The following ADH7 variants were observed in gnomAD, a reference collection of about 807,000 sequenced individuals.
The protein encoded by ADH7 is alcohol dehydrogenase 7 (class IV), mu or sigma polypeptide.
ADH7 carries 41 observed loss-of-function variants against 34.4 expected under a neutral mutation model. The ratio of observed to expected loss-of-function variants is 1.19; its 90% CI spans 0.93 to 1.55. ADH7 has a LOEUF of 1.55. Ranked by LOEUF, ADH7 falls within the 40% of genes most tolerant of loss-of-function variation. ADH7 has a pLI of 0.00. For synonymous variants in ADH7, 180 were observed against 160.9 expected (o/e 1.12, Z -0.90); for missense variants, 540 against 461.2 (o/e 1.17, Z -1.56).
intron 1 of ADH7, among the ~76,000 whole-genome samples, chr4:99,431,277 A>C (rs1004262517): frequency 1.3e-5 from 2 of 152,234 alleles, no homozygotes; most frequent in African/African-American, 4.8e-5. Context: ...AGCCATATGC[A>C]GAAGATTGAA....
chr4:99,434,556 T>C (rs897889164), intron 1 of ADH7, among the ~76,000 whole-genome samples: 8 of 152,104 alleles, frequency 5.3e-5, no homozygotes, highest in African/African-American at 1.9e-4. Flanking sequence ...TAAGGAAATA[T>C]ACTGACCTAT....
chr4:99,433,475 C>T (rs1721983468), intron 1 of ADH7, among the ~76,000 whole-genome samples: 1 of 152,056 alleles, frequency 6.6e-6, no homozygotes, highest in Non-Finnish European at 1.5e-5. Context: ...ATTTTCTGAC[C>T]TTCCAAATTT....
chr4:99,412,375 C>G lies in ADH7; in HGVS notation c.*773G>C, dbSNP rs1054707276. 6.6e-6 allele frequency: 1 copy of G among 151,966 alleles called. No homozygotes were observed. Among genetic ancestry groups the G allele is most frequent in the African/African-American group, 2.4e-5 (1 of 41,392 alleles). 9.4% of individuals were successfully genotyped at this position (151,966 alleles called of 1,614,324 possible). A position where few individuals can be genotyped will look rare whatever the true frequency, so the allele number is the denominator to read the frequency against. ...CACTTTTTATTAAATGGAGTCACTA[C>G]TAAGCACAGTGAATAGGGACTTAGG... On this transcript the variant is annotated 3_prime_UTR_variant, in exon 9 of 9. Transcript: ENST00000437033.
At chr4:99,414,509 AT>A (rs750203224) in intron 8 of ADH7, among the ~76,000 whole-genome samples, 23 of 152,130 alleles carry the variant, frequency 1.5e-4, no homozygotes, top group Non-Finnish European at 2.8e-4. Context: ...TGTAGATAAA[AT>A]TTGCATGAAT....
intron 6 of ADH7, among the ~76,000 whole-genome samples, chr4:99,420,141 C>A (rs1721614097): frequency 6.6e-6 from 1 of 152,206 alleles, no homozygotes; most frequent in African/African-American, 2.4e-5. Context: ...TAGACCACAA[C>A]ATTTGGAATA....
At position 99,427,894 on chromosome 4, in the gene ADH7, T is replaced by G. The variant is rs1162713196; in HGVS notation, c.443A>C (p.Glu148Ala). The G allele has an allele frequency of 1.9e-6, 3 of 1,614,014 alleles. No homozygotes were observed. Among genetic ancestry groups the G allele is most frequent in the Non-Finnish European group, 2.5e-6 (3 of 1,179,938 alleles). ...AGAAGATTCATCCACCACTGTGTACTCGGTAAATGTACTGGTGTTCATGAA... is the reference window on the plus strand; with the variant it reads ...AGAAGATTCATCCACCACTGTGTACGCGGTAAATGTACTGGTGTTCATGAA... ...HHFMNTSTFTEYTVVDESSVA... is the reference protein window; with the variant it reads ...HHFMNTSTFTAYTVVDESSVA... Residue 148 changes from glutamate (E) to alanine (A), a missense_variant, in exon 5 of 9, where the codon GAG becomes GCG. Physicochemically the swap from Glu to Ala is moderately radical, Grantham distance 107. Transcript: ENST00000437033.
intron 1 of ADH7, among the ~76,000 whole-genome samples, chr4:99,430,005 T>C (rs181212200): frequency 6.6e-6 from 1 of 152,364 alleles, no homozygotes; most frequent in East Asian, 1.9e-4. Context: ...AAATTGTCCT[T>C]TGTGTATCGC....
At position 99,427,834 on chromosome 4, in the gene ADH7, T is replaced by G. The variant is rs372338606; in HGVS notation, c.503A>C (p.Lys168Thr). ...AAACCCACAGCCAATTAAACAGACT[T>G]TCTCAGGAGGAGCTGCATCATCAAT... ...AKIDDAAPPE[K>T]VCLIGCGFST... Residue 168 changes from lysine (K) to threonine (T), a missense_variant, in exon 5 of 9, where the codon AAA (lysine) becomes ACA (threonine). Coordinates refer to ENST00000437033, the MANE Select transcript of ADH7 (RefSeq NM_000673.7). The G allele has an allele frequency of 6.2e-7, 1 of 1,610,646 alleles. No individual in the cohort carries two copies. The highest frequency in any genetic ancestry group is 1.3e-5 in the African/African-American group (1 of 74,866).
chr4:99,432,397 G>A (rs1721955776), intron 1 of ADH7, among the ~76,000 whole-genome samples: 1 of 151,978 alleles, frequency 6.6e-6, no homozygotes. Context: ...AAAATAATTT[G>A]TACACCAAAC....
chr4:99,435,191 G>A (rs1211914622), intron 1 of ADH7, 25 bp downstream of exon 1: 4 of 1,610,622 alleles, frequency 2.5e-6, no homozygotes, highest in Admixed American at 1.7e-5. Flanking sequence ...TCATGATGAG[G>A]AGGGGACAGA....
At chr4:99,429,677 T>C in intron 1 of ADH7, 44 bp from the exon 2 acceptor site, 1 of 1,373,890 alleles carries the variant, frequency 7.3e-7, no homozygotes, top group Non-Finnish European at 1.0e-6. Context: ...ATTATGCCTT[T>C]AACTTACAGA....
At chr4:99,413,927 C>T (rs1165523628) in intron 8 of ADH7, among the ~76,000 whole-genome samples, 1 of 152,020 alleles carries the variant, frequency 6.6e-6, no homozygotes, top group Non-Finnish European at 1.5e-5. Context: ...AAGAGGAACG[C>T]ATAATATAAT....
Position 99,428,522 on chromosome 4 carries a change from T to A in ADH7, c.229A>T (p.Ile77Phe). ...TTCACTGTAGTCACTCCTTCTCCAA[T>A]GCTCTCTACAATCCCAGTTGCCTCA... Reference protein sequence around the residue: ...GHEATGIVESIGEGVTTVKPG... With the variant: ...GHEATGIVESFGEGVTTVKPG... The change falls in exon 3 of 9, where the codon ATT becomes TTT. Residue 77 changes from isoleucine to phenylalanine, a missense_variant. Coordinates refer to ENST00000437033, the MANE Select transcript of ADH7 (RefSeq NM_000673.7). 1 of 1,613,764 alleles carries A rather than the reference T, an allele frequency of 6.2e-7. No individual in the cohort carries two copies. Among genetic ancestry groups the A allele is most frequent in the East Asian group, 2.2e-5 (1 of 44,870 alleles).
chr4:99,415,437 G>C, intron 8 of ADH7, 41 bp downstream of exon 8: 2 of 1,588,138 alleles, frequency 1.3e-6, no homozygotes, highest in Non-Finnish European at 8.6e-7. Context: ...TTTAAAAGTA[G>C]CCTGTGGAGA....
At chr4:99,420,894 A>T (rs939437339) in intron 5 of ADH7, 101 bp from the exon 6 acceptor site, 2 of 1,040,756 alleles carry the variant, frequency 1.9e-6, no homozygotes, top group Non-Finnish European at 1.4e-6. Flanking sequence ...GTGAACTCCC[A>T]TTCACAATTG....
At chr4:99,419,168 G>A in intron 6 of ADH7, 47 bp from the exon 7 acceptor site, 1 of 1,590,810 alleles carries the variant, frequency 6.3e-7, no homozygotes, top group Non-Finnish European at 8.6e-7. Flanking sequence ...GTCTCTTACA[G>A]TGTGACATAA....
intron 1 of ADH7, chr4:99,434,984 C>A (rs973376804): frequency 7.1e-7 from 1 of 1,409,694 alleles, no homozygotes; most frequent in Admixed American, 2.0e-5. Context: ...CTCTATTTTC[C>A]ACCAATGTCT....
intron 1 of ADH7, among the ~76,000 whole-genome samples, chr4:99,433,153 T>TCGAAGAAATATTAATTTTAGAAA (rs1293364119): frequency 6.6e-6 from 1 of 152,150 alleles, no homozygotes; most frequent in Non-Finnish European, 1.5e-5. Flanking sequence ...AAAGGCTACC[T>TCGAAGAAATATTAATTTTAGAAA]CGAAGAAATA....
rs371053791 is a variant in ADH7, at chr4:99,423,537, T to C, written c.565-2744A>G. On this transcript the variant is annotated intron_variant, in intron 5 of 8. Coordinates refer to ENST00000437033, the MANE Select transcript of ADH7 (RefSeq NM_000673.7). ...TATTTCTCCACATCCTCTCCAGCAC[T>C]TGTTGTTTCCTGACTTTTTAATGAT... is the stretch of plus-strand genomic sequence containing the variant. Among the ~76,000 whole-genome samples the C allele has an allele frequency of 6.7e-3, 1,012 of 151,454 alleles. 5 individuals are homozygous for C. The highest frequency in any genetic ancestry group is 0.023 in the African/African-American group (956 of 41,302).
Sources: gnomAD v4.1 joint callset for allele counts (sites outside exome capture counted in the v4.1 genomes callset) on GRCh38, gnomAD v4.1.1 for gene constraint, MANE v1.5 for transcripts, NCBI Gene and HGNC (gene_info 2026-07-23, HGNC 2026-07-21) for gene names.